APP: variants seen among roughly 807,000 people sequenced by gnomAD.
APP encodes amyloid-beta precursor protein.
In APP, 31 loss-of-function variants were observed where a neutral mutation model predicts 101.4. The observed-to-expected ratio is 0.31, with a 90% CI of 0.23 to 0.41. The LOEUF is 0.41. Ranked by LOEUF, APP falls within the 10% of genes least tolerant of loss-of-function variation. The pLI is 1.00. For synonymous variants in APP, 366 were observed against 364.4 expected (o/e 1.00, Z -0.05); for missense variants, 839 against 1,003.7 (o/e 0.84, Z 2.22).
intron 6 of APP, among the ~76,000 whole-genome samples, chr21:26,018,887 G>A (rs867446401): frequency 1.3e-4 from 19 of 151,928 alleles, no homozygotes; most frequent in Admixed American, 3.9e-4. Context: ...AACTGCCTTC[G>A]TCTTTCTACA....
At chr21:26,109,325 A>G (rs1055905754) in intron 2 of APP, among the ~76,000 whole-genome samples, 7 of 152,184 alleles carry the variant, frequency 4.6e-5, no homozygotes, top group African/African-American at 1.7e-4. Context: ...GGTGGTTTCA[A>G]TGTTTAAGCA....
At chr21:26,041,824 A>G (rs1035685819) in intron 5 of APP, among the ~76,000 whole-genome samples, 2 of 80,384 alleles carry the variant, frequency 2.5e-5, no homozygotes, top group African/African-American at 1.0e-4. Flanking sequence ...AGTTTATTCA[A>G]TACAGGAATC....
At chr21:26,044,641 T>C (rs2045525633) in intron 5 of APP, among the ~76,000 whole-genome samples, 1 of 152,056 alleles carries the variant, frequency 6.6e-6, no homozygotes, top group Non-Finnish European at 1.5e-5. Flanking sequence ...CCTGGTTCAA[T>C]TGATTCTCCT....
chr21:26,080,942 G>T (rs1182779126), intron 3 of APP, among the ~76,000 whole-genome samples: 3 of 152,086 alleles, frequency 2.0e-5, no homozygotes, highest in East Asian at 3.9e-4. Context: ...AGTATTTATG[G>T]GGAAAAAATG....
intron 5 of APP, among the ~76,000 whole-genome samples, chr21:26,029,193 A>G (rs2044712237): frequency 6.6e-6 from 1 of 152,180 alleles, no homozygotes; most frequent in African/African-American, 2.4e-5. Flanking sequence ...GTACGGTTAC[A>G]TTTCTTACAG....
At chr21:26,134,932 CG>C in intron 1 of APP, among the ~76,000 whole-genome samples, 1 of 152,272 alleles carries the variant, frequency 6.6e-6, no homozygotes. Context: ...CTTAAAACTT[CG>C]ATGTTTCTAA....
chr21:25,955,860 G>T (rs570552062), intron 11 of APP, 105 bp from the exon 12 acceptor site: 5 of 1,532,352 alleles, frequency 3.3e-6, no homozygotes, highest in East Asian at 2.3e-5. Flanking sequence ...TCATGTGAAC[G>T]TACTGTGAGT....
At chr21:26,011,675 C>T (rs747597208) in intron 6 of APP, among the ~76,000 whole-genome samples, 23 of 152,032 alleles carry the variant, frequency 1.5e-4, no homozygotes, top group Non-Finnish European at 2.9e-5. Flanking sequence ...GTAACTTTGC[C>T]CACCAAGACT....
intron 16 of APP, 86 bp downstream of exon 16, chr21:25,897,487 T>C: frequency 2.9e-6 from 3 of 1,043,182 alleles, no homozygotes; most frequent in Non-Finnish European, 4.5e-6. Context: ...TTTCCTTAAT[T>C]TGATTTCTAG....
intron 15 of APP, among the ~76,000 whole-genome samples, chr21:25,901,295 TTAAAAAAAAAA>T (rs1408000855): frequency 8.6e-4 from 65 of 75,294 alleles, no homozygotes; most frequent in Admixed American, 1.7e-3. Context: ...AAATCCTGTT[TTAAAAAAAAAA>T]AAAAAAAAAA....
intron 5 of APP, among the ~76,000 whole-genome samples, chr21:26,046,533 A>C (rs1273580080): frequency 6.6e-6 from 1 of 152,170 alleles, no homozygotes; most frequent in Admixed American, 6.5e-5. Context: ...TTAAAAAAAA[A>C]ATGTTCAAAG....
At chr21:26,147,048 T>C (rs1240105927) in intron 1 of APP, among the ~76,000 whole-genome samples, 1 of 152,238 alleles carries the variant, frequency 6.6e-6, no homozygotes, top group East Asian at 1.9e-4. Context: ...GTTTGCCCCA[T>C]TGACCTATCT....
intron 1 of APP, among the ~76,000 whole-genome samples, chr21:26,135,806 C>T (rs1024431556): frequency 1.3e-5 from 2 of 152,054 alleles, no homozygotes; most frequent in African/African-American, 2.4e-5. Flanking sequence ...CCCCAGAGAG[C>T]CCTTGGTAGG....
chr21:25,892,940 G>A (rs1273651526), intron 16 of APP, among the ~76,000 whole-genome samples: 2 of 104,952 alleles, frequency 1.9e-5, no homozygotes, highest in African/African-American at 4.0e-5. Context: ...AGTGCTTACA[G>A]ATAGTATTTA....
At chr21:26,024,783 CA>C (rs145138055) in intron 5 of APP, among the ~76,000 whole-genome samples, 2,887 of 152,114 alleles carry the variant, frequency 0.019, 87 homozygotes, top group African/African-American at 0.066. Context: ...ATAAAAGTTT[CA>C]AAAAAATGTG....
chr21:25,895,210 G>A (rs1357195653), intron 16 of APP, among the ~76,000 whole-genome samples: 1 of 140,348 alleles, frequency 7.1e-6, no homozygotes, highest in Non-Finnish European at 1.5e-5. Context: ...TCTTGCTCTT[G>A]TTGCCCAGGC....
At chr21:26,142,814 C>A (rs1202993007) in intron 1 of APP, among the ~76,000 whole-genome samples, 1 of 151,990 alleles carries the variant, frequency 6.6e-6, no homozygotes. Context: ...AATAGTGTCA[C>A]TCAGCATCAC....
intron 13 of APP, among the ~76,000 whole-genome samples, chr21:25,943,425 T>A (rs2040663743): frequency 7.8e-6 from 1 of 128,514 alleles, no homozygotes; most frequent in African/African-American, 2.9e-5. Flanking sequence ...GTGCTGGGAT[T>A]ACAGGCGTGA....
intron 6 of APP, among the ~76,000 whole-genome samples, chr21:26,003,380 T>C (rs1008980184): frequency 2.0e-5 from 3 of 152,166 alleles, no homozygotes; most frequent in African/African-American, 7.2e-5. Flanking sequence ...GTTGGTTGGT[T>C]CTCCCAATCC....
Sources: allele counts gnomAD v4.1 joint callset (sites outside exome capture counted in the v4.1 genomes callset), GRCh38; gene constraint gnomAD v4.1.1; transcripts MANE v1.5; gene names NCBI Gene and HGNC (gene_info 2026-07-23, HGNC 2026-07-21).